Variants in PCSK2 observed in about 807,000 individuals in gnomAD.
PCSK2 encodes the protein proprotein convertase subtilisin/kexin type 2, also known as neuroendocrine convertase 2.
A neutral mutation model predicts 69.7 loss-of-function variants in PCSK2; 14 were observed. The ratio of observed to expected loss-of-function variants is 0.20; its 90% confidence interval spans 0.13 to 0.31. The LOEUF is 0.31. Ranked by LOEUF, PCSK2 falls within the 10% of genes least tolerant of loss-of-function variation. The pLI is 1.00. For missense variants in PCSK2, 544 were observed against 842.5 expected (o/e 0.65, Z 4.39); for synonymous variants, 307 against 320.7 (o/e 0.96, Z 0.46).
intron 2 of PCSK2, among the ~76,000 whole-genome samples, chr20:17,285,731 G>A (rs1053722808): frequency 6.6e-6 from 1 of 152,158 alleles, no homozygotes; most frequent in Non-Finnish European, 1.5e-5. Flanking sequence ...TCTGGCCTTG[G>A]CAATCATGAG....
intron 5 of PCSK2, among the ~76,000 whole-genome samples, chr20:17,397,547 TC>T: frequency 6.6e-6 from 1 of 151,938 alleles, no homozygotes. Context: ...TGGCATGATC[TC>T]GGCTCACTGC....
chr20:17,434,189 C>T (rs77420526), intron 7 of PCSK2, among the ~76,000 whole-genome samples: 16,674 of 33,024 alleles, frequency 0.5, 992 homozygotes, highest in Middle Eastern at 0.56. Context: ...CCTCTATCTA[C>T]GCTCTCTCTC....
At chr20:17,451,915 CTTTT>C (rs34323701) in intron 8 of PCSK2, among the ~76,000 whole-genome samples, 14 of 101,608 alleles carry the variant, frequency 1.4e-4, no homozygotes, top group African/African-American at 4.6e-4. Context: ...TTGTACTTTG[CTTTT>C]TTTTTTTTTT....
chr20:17,387,868 A>G (rs2031277328), intron 5 of PCSK2, among the ~76,000 whole-genome samples: 1 of 152,216 alleles, frequency 6.6e-6, no homozygotes, highest in Non-Finnish European at 1.5e-5. Flanking sequence ...AACTACAGAA[A>G]TAATTATGAT....
intron 6 of PCSK2, among the ~76,000 whole-genome samples, chr20:17,425,165 C>G (rs2032218891): frequency 6.6e-6 from 1 of 152,136 alleles, no homozygotes; most frequent in South Asian, 2.1e-4. Context: ...TGAGAGTCAT[C>G]ATACTATTCA....
chr20:17,411,594 G>C (rs1426184564), intron 6 of PCSK2, among the ~76,000 whole-genome samples: 2 of 152,250 alleles, frequency 1.3e-5, no homozygotes, highest in African/African-American at 4.8e-5. Flanking sequence ...GCAGGGCATA[G>C]CTGGAAAAAA....
At chr20:17,437,279 G>C (rs1267045400) in intron 8 of PCSK2, among the ~76,000 whole-genome samples, 2 of 152,214 alleles carry the variant, frequency 1.3e-5, no homozygotes, top group African/African-American at 2.4e-5. Flanking sequence ...GGCGCACACA[G>C]GGCGGTAGAT....
intron 5 of PCSK2, among the ~76,000 whole-genome samples, chr20:17,405,827 CA>C (rs1447105024): frequency 6.6e-6 from 1 of 152,166 alleles, no homozygotes; most frequent in Non-Finnish European, 1.5e-5. Flanking sequence ...GAGCCATCAT[CA>C]GAAGTTTCTC....
intron 2 of PCSK2, among the ~76,000 whole-genome samples, chr20:17,305,857 G>T (rs1358978953): frequency 6.6e-6 from 1 of 152,114 alleles, no homozygotes; most frequent in African/African-American, 2.4e-5. Flanking sequence ...ACCTTTGCAG[G>T]TTTAGCACTA....
In PCSK2 at chr20:17,409,239, A is replaced by T. The variant is rs1324668163; in HGVS notation, c.544-24A>T. 1.9e-6 allele frequency: 3 copies of T among 1,600,650 alleles called. No homozygotes were observed. In the East Asian group the frequency reaches 6.7e-5, roughly 36 times the overall value. ...ACTGCGCCTCTGGCTGTACGGACCTAATGAGATGCCTTGTGTTTTTCAGAA... is the reference window on the plus strand; with the variant it reads ...ACTGCGCCTCTGGCTGTACGGACCTTATGAGATGCCTTGTGTTTTTCAGAA... On this transcript the variant is annotated intron_variant, in intron 5 of 11. Transcript: ENST00000262545.
intron 1 of PCSK2, among the ~76,000 whole-genome samples, chr20:17,228,696 C>T (rs1002155269): frequency 1.3e-5 from 2 of 152,176 alleles, no homozygotes; most frequent in Non-Finnish European, 2.9e-5. Context: ...TCTGTCCTGA[C>T]TTCCCAAGCC....
intron 5 of PCSK2, among the ~76,000 whole-genome samples, chr20:17,393,229 T>C (rs1451177836): frequency 6.6e-6 from 1 of 152,190 alleles, no homozygotes; most frequent in African/African-American, 2.4e-5. Flanking sequence ...TTAGGTCTCG[T>C]GTCAAGCTAA....
chr20:17,415,541 C>T (rs8116890), intron 6 of PCSK2, among the ~76,000 whole-genome samples: 1 of 152,132 alleles, frequency 6.6e-6, no homozygotes, highest in African/African-American at 2.4e-5. Flanking sequence ...AGGACACAAA[C>T]AAATGGAAGA....
At chr20:17,290,875 C>T (rs976977022) in intron 2 of PCSK2, among the ~76,000 whole-genome samples, 2 of 152,128 alleles carry the variant, frequency 1.3e-5, no homozygotes, top group Non-Finnish European at 2.9e-5. Context: ...GGCAAGCAAG[C>T]ATGTGAGATA....
In PCSK2 at chr20:17,418,731, A is replaced by C. The variant is rs2032056660; in HGVS notation, c.620+9392A>C. On this transcript the variant is annotated intron_variant, in intron 6 of 11. Coordinates refer to ENST00000262545, the MANE Select transcript of PCSK2 (RefSeq NM_002594.5). ...CCTCCCACCAGCTGTGCAGACACCA[A>C]GGCATCCCACAGGTTCTTCAGGTGT... Among the ~76,000 whole-genome samples, 3 of 152,132 alleles carry C rather than the reference A, an allele frequency of 2.0e-5. No individual in the cohort carries two copies. The South Asian group carries it at 6.2e-4, about 32-fold the overall frequency.
intron 11 of PCSK2, among the ~76,000 whole-genome samples, chr20:17,466,217 C>T (rs996821500): frequency 3.2e-4 from 49 of 152,332 alleles, no homozygotes; most frequent in African/African-American, 1.0e-3. Context: ...ATCCCCATGC[C>T]AGCGTAGCCA....
At chr20:17,256,153 A>T (rs986229256) in intron 1 of PCSK2, among the ~76,000 whole-genome samples, 6 of 152,154 alleles carry the variant, frequency 3.9e-5, no homozygotes, top group South Asian at 2.1e-4. Context: ...AGGCTCTCTG[A>T]TAAATTTTTA....
At chr20:17,264,282 G>A (rs775130059) in intron 2 of PCSK2, among the ~76,000 whole-genome samples, 1 of 152,130 alleles carries the variant, frequency 6.6e-6, no homozygotes, top group African/African-American at 2.4e-5. Flanking sequence ...GGTTATATTT[G>A]AGAATTAAAA....
At chr20:17,468,228 C>A (rs2033137050) in intron 11 of PCSK2, among the ~76,000 whole-genome samples, 1 of 151,794 alleles carries the variant, frequency 6.6e-6, no homozygotes, top group Admixed American at 6.6e-5. Context: ...AGGTCAGCAT[C>A]CTCCCACAGG....
Sources: gnomAD v4.1 joint callset for allele counts (sites outside exome capture counted in the v4.1 genomes callset) on GRCh38, gnomAD v4.1.1 for gene constraint, MANE v1.5 for transcripts, NCBI Gene and HGNC (gene_info 2026-07-23, HGNC 2026-07-21) for gene names.